Variants in PCDHGA1 observed in about 807,000 individuals in gnomAD.
The protein encoded by PCDHGA1 is protocadherin gamma subfamily A, 1.
A neutral mutation model predicts 58.0 loss-of-function variants in PCDHGA1; 32 were observed. The ratio of observed to expected loss-of-function variants is 0.55; its 90% CI spans 0.42 to 0.74. The LOEUF (loss-of-function observed/expected upper bound fraction) is 0.74. Among genes scored for constraint, PCDHGA1 ranks in the 30% least tolerant of loss-of-function variants. The pLI, the probability that PCDHGA1 is intolerant of heterozygous loss-of-function variation, is 0.00. For synonymous variants in PCDHGA1, 498 were observed against 501.1 expected (o/e 0.99, Z 0.08); for missense variants, 1,205 against 1,182.3 (o/e 1.02, Z -0.28).
intron 1 of PCDHGA1, among the ~76,000 whole-genome samples, chr5:141,492,949 A>G (rs1470301496): frequency 6.6e-6 from 1 of 152,226 alleles, no homozygotes; most frequent in African/African-American, 2.4e-5. Flanking sequence ...GGAGGTGACC[A>G]AACTATCTGA....
chr5:141,362,421 G>A (rs1292058776), intron 1 of PCDHGA1: 1 of 1,613,910 alleles, frequency 6.2e-7, no homozygotes, highest in African/African-American at 1.3e-5. Context: ...AATCAGCCAA[G>A]ACAGAGTTCA....
intron 1 of PCDHGA1, chr5:141,478,270 C>G (rs1347709530): frequency 5.6e-6 from 9 of 1,614,078 alleles, no homozygotes; most frequent in Non-Finnish European, 6.8e-6. Context: ...TCAAAGTTTA[C>G]AAGTGGAAGC....
In PCDHGA1 at chr5:141,352,279, C is replaced by G. The variant is rs757239425; in HGVS notation, c.2421+19174C>G. Reference sequence around the variant, plus strand: ...AAGAGGTATTGCCAGACCTCAGCGACCGCCCTGAGCCCTCTGACCCCCAGA... The same window carrying G: ...AAGAGGTATTGCCAGACCTCAGCGAGCGCCCTGAGCCCTCTGACCCCCAGA... On this transcript the variant is annotated intron_variant, in intron 1 of 3. Coordinates refer to ENST00000517417, the MANE Select transcript of PCDHGA1 (RefSeq NM_018912.3). 1.4e-4 allele frequency: 218 copies of G among 1,613,962 alleles called. No homozygotes were observed. Among genetic ancestry groups the G allele is most frequent in the Non-Finnish European group, 1.8e-4 (212 of 1,179,914 alleles).
chr5:141,497,596 G>C (rs920597006), intron 2 of PCDHGA1, among the ~76,000 whole-genome samples: 1 of 149,648 alleles, frequency 6.7e-6, no homozygotes, highest in Admixed American at 6.7e-5. Context: ...CTGGAGTGCA[G>C]TGGTGCGATC....
chr5:141,421,467 G>T (rs1436543181), intron 1 of PCDHGA1: 1 of 1,614,132 alleles, frequency 6.2e-7, no homozygotes, highest in South Asian at 1.1e-5. Flanking sequence ...CTGTGAATCC[G>T]CGAAGCGGCA....
intron 1 of PCDHGA1, chr5:141,409,529 G>A: frequency 6.2e-7 from 1 of 1,613,962 alleles, no homozygotes; most frequent in Middle Eastern, 1.6e-4. Context: ...CTTGTATGTC[G>A]CTGACATCAA....
At chr5:141,380,044 T>G (rs2150154825) in intron 1 of PCDHGA1, among the ~76,000 whole-genome samples, 1 of 151,770 alleles carries the variant, frequency 6.6e-6, no homozygotes, top group African/African-American at 2.4e-5. Context: ...GGATTACAGG[T>G]GCATGCCACC....
chr5:141,403,177 C>T, intron 1 of PCDHGA1: 3 of 1,614,008 alleles, frequency 1.9e-6, no homozygotes, highest in Non-Finnish European at 2.5e-6. Context: ...CGCAGCTTTT[C>T]TCTCTGAACC....
rs2149715639 is a variant in PCDHGA1 at position 141,334,498 on chromosome 5, G to T, written c.2421+1393G>T. ...GCGGGGAGGGGCGGGGCGGGGCGGG[G>T]CAGGAGCTGACGTGGGAGGATCCCT... On this transcript the variant is annotated intron_variant, in intron 1 of 3. Coordinates refer to ENST00000517417, the MANE Select transcript of PCDHGA1 (RefSeq NM_018912.3). The surrounding 1 kb of genome is among the most constrained non-coding windows in gnomAD (Gnocchi z 4.6). The T allele has an allele frequency of 6.6e-6, 1 of 152,284 alleles. No homozygotes were observed. The highest frequency in any genetic ancestry group is 2.4e-5 in the African/African-American group (1 of 41,514). The allele number at this position is 152,284 out of a possible 1,614,324, so 9.4% of individuals were successfully genotyped here.
intron 1 of PCDHGA1, chr5:141,410,392 T>C: frequency 6.2e-7 from 1 of 1,614,050 alleles, no homozygotes; most frequent in African/African-American, 1.3e-5. Flanking sequence ...TCCATCCTGG[T>C]CTCTGTGTCA....
intron 1 of PCDHGA1, among the ~76,000 whole-genome samples, chr5:141,386,522 C>CT (rs35543697): frequency 1 from 152,285 of 152,292 alleles, 76,139 homozygotes; most frequent in Middle Eastern, 1. Flanking sequence ...CAAAAAAAGA[C>CT]TCTTTTTAGA....
rs759514084 is a variant in PCDHGA1 at position 141,332,115 on chromosome 5, C to T, written c.1431C>T (p.His477=). The T allele has an allele frequency of 5.0e-6, 8 of 1,614,166 alleles. No homozygotes were observed. The highest frequency in any genetic ancestry group is 2.2e-5 in the East Asian group (1 of 44,880). Residue 477 remains histidine, a synonymous_variant, in exon 1 of 4, where the codon CAC becomes CAT. Coordinates refer to ENST00000517417, the MANE Select transcript of PCDHGA1 (RefSeq NM_018912.3). This position sits in a 1 kb window ranked among gnomAD's most constrained non-coding sequence, Gnocchi z 4.6. The part of the protein sequence containing the change: ...RGASIFSVRA[H]DLDSNENAQI... ...CCTCCATCTTCTCTGTGAGGGCCCACGACTTGGACAGCAATGAGAATGCAC... is the reference window on the plus strand; with the variant it reads ...CCTCCATCTTCTCTGTGAGGGCCCATGACTTGGACAGCAATGAGAATGCAC...
At chr5:141,401,113 G>A (rs2094114942) in intron 1 of PCDHGA1, among the ~76,000 whole-genome samples, 1 of 152,192 alleles carries the variant, frequency 6.6e-6, no homozygotes, top group Non-Finnish European at 1.5e-5. Flanking sequence ...GGAGGCCGAG[G>A]CGGTTGGATC....
intron 1 of PCDHGA1, chr5:141,333,844 G>A (rs533284112): frequency 2.0e-5 from 3 of 152,260 alleles, no homozygotes; most frequent in Admixed American, 6.5e-5. Context: ...GAGCTGTGGT[G>A]CCTGTACTGA....
At chr5:141,443,088 T>G (rs188899890) in intron 1 of PCDHGA1, among the ~76,000 whole-genome samples, 1 of 151,974 alleles carries the variant, frequency 6.6e-6, no homozygotes, top group African/African-American at 2.4e-5. Context: ...TGTTCCAGTC[T>G]CCTTCTCAAG....
intron 1 of PCDHGA1, chr5:141,422,639 C>T (rs777330051): frequency 3.7e-6 from 6 of 1,612,780 alleles, no homozygotes; most frequent in South Asian, 2.2e-5. Flanking sequence ...AGGGGTGCCT[C>T]CATCTTCTCA....
chr5:141,492,398 C>T (rs1347317333), intron 1 of PCDHGA1, among the ~76,000 whole-genome samples: 2 of 152,244 alleles, frequency 1.3e-5, no homozygotes, highest in Non-Finnish European at 1.5e-5. Flanking sequence ...CCACTCGCAG[C>T]TCCCCTCTGC....
chr5:141,351,640 C>A (rs1460500162), intron 1 of PCDHGA1: 8 of 1,613,948 alleles, frequency 5.0e-6, no homozygotes, highest in South Asian at 2.2e-5. Flanking sequence ...TGTCTGAGAA[C>A]AACCCACCTG....
At chr5:141,467,285 T>G (rs6870144) in intron 1 of PCDHGA1, among the ~76,000 whole-genome samples, 42,564 of 152,010 alleles carry the variant, frequency 0.28, 6,785 homozygotes, top group African/African-American at 0.45. Context: ...ACTCTTGACC[T>G]CAAGTGATCC....
Sources: allele counts gnomAD v4.1 joint callset (sites outside exome capture counted in the v4.1 genomes callset), GRCh38; gene constraint gnomAD v4.1.1; non-coding constraint Gnocchi (gnomAD v3.1); transcripts MANE v1.5; gene names NCBI Gene and HGNC (gene_info 2026-07-23, HGNC 2026-07-21).